The following ADAMTS3 variants were observed in gnomAD, a reference collection of about 807,000 sequenced individuals.
ADAMTS3 encodes ADAM metallopeptidase with thrombospondin type 1 motif 3, also known as A disintegrin and metalloproteinase with thrombospondin motifs 3.
In ADAMTS3, 73 loss-of-function variants were observed where a neutral mutation model predicts 129.0. The ratio of observed to expected loss-of-function variants is 0.57; its 90% confidence interval spans 0.47 to 0.69. The LOEUF (loss-of-function observed/expected upper bound fraction) is 0.69. ADAMTS3 is among the 30% of genes least tolerant of loss of function. The probability of loss-of-function intolerance (pLI) is 0.00; values close to 1 mark genes in which losing one functional copy is unlikely to be tolerated. For synonymous variants in ADAMTS3, 477 were observed against 510.8 expected (o/e 0.93, Z 0.89); for missense variants, 1,457 against 1,514.5 (o/e 0.96, Z 0.63).
intron 2 of ADAMTS3, among the ~76,000 whole-genome samples, chr4:72,562,155 G>A (rs759051252): frequency 6.6e-6 from 1 of 152,050 alleles, no homozygotes; most frequent in African/African-American, 2.4e-5. Flanking sequence ...GAAAAATTAC[G>A]AATTCGCTGC....
chr4:72,560,671 G>A (rs1338521430), intron 2 of ADAMTS3, among the ~76,000 whole-genome samples: 1 of 151,980 alleles, frequency 6.6e-6, no homozygotes, highest in Non-Finnish European at 1.5e-5. Context: ...AGCAACACAC[G>A]CTGGGGCCCA....
chr4:72,285,842 A>G (rs755476014), intron 21 of ADAMTS3, among the ~76,000 whole-genome samples: 5 of 152,164 alleles, frequency 3.3e-5, no homozygotes, highest in Non-Finnish European at 5.9e-5. Flanking sequence ...CAATTACAAA[A>G]AAATTAAGGC....
intron 3 of ADAMTS3, among the ~76,000 whole-genome samples, chr4:72,423,489 A>G (rs1722495849): frequency 1.3e-5 from 2 of 152,112 alleles, no homozygotes; most frequent in Admixed American, 1.3e-4. Context: ...TGTTCTATCA[A>G]TGTTCCAAGC....
At chr4:72,487,869 A>G (rs1719632108) in intron 3 of ADAMTS3, among the ~76,000 whole-genome samples, 1 of 152,102 alleles carries the variant, frequency 6.6e-6, no homozygotes, top group African/African-American at 2.4e-5. Flanking sequence ...CATTATAATC[A>G]AAAAGAATTC....
At chr4:72,381,434 C>G (rs942861601) in intron 4 of ADAMTS3, among the ~76,000 whole-genome samples, 2 of 151,828 alleles carry the variant, frequency 1.3e-5, no homozygotes, top group Admixed American at 6.6e-5. Context: ...CGGCAGTCCA[C>G]CTCCATTATT....
At chr4:72,489,895 G>C (rs993442361) in intron 3 of ADAMTS3, among the ~76,000 whole-genome samples, 1 of 151,786 alleles carries the variant, frequency 6.6e-6, no homozygotes, top group Non-Finnish European at 1.5e-5. Flanking sequence ...AAAGTAGATC[G>C]CTGGAATATA....
At chr4:72,477,990 A>T (rs1719292472) in intron 3 of ADAMTS3, among the ~76,000 whole-genome samples, 1 of 152,202 alleles carries the variant, frequency 6.6e-6, no homozygotes, top group Non-Finnish European at 1.5e-5. Context: ...AGACTAAACC[A>T]GGAAGAAGTT....
chr4:72,312,545 C>T, intron 12 of ADAMTS3, 79 bp from the exon 13 acceptor site: 2 of 1,425,320 alleles, frequency 1.4e-6, no homozygotes, highest in Middle Eastern at 4.1e-4. Context: ...TGCTTGAGGG[C>T]ACAAAGCCAA....
intron 3 of ADAMTS3, among the ~76,000 whole-genome samples, chr4:72,455,973 C>CAGTATATATACTATATATATTTTAT (rs1718566410): frequency 8.3e-5 from 1 of 12,086 alleles, no homozygotes; most frequent in African/African-American, 2.1e-4. Flanking sequence ...ATATATTTTA[C>CAGTATATATACTATATATATTTTAT]ATATAGTATA....
intron 4 of ADAMTS3, among the ~76,000 whole-genome samples, chr4:72,380,311 AC>A (rs1721253992): frequency 1.3e-5 from 2 of 152,148 alleles, no homozygotes; most frequent in South Asian, 4.1e-4. Flanking sequence ...CATCTCTATC[AC>A]TATTGAGCCA....
At position 72,282,536 on chromosome 4, in the gene ADAMTS3, T is replaced by C. The variant is rs184390440; in HGVS notation, c.*600A>G. 3.3e-5 allele frequency: 5 copies of C among 152,692 alleles called. No individual in the cohort carries two copies. Among genetic ancestry groups the C allele is most frequent in the African/African-American group, 1.2e-4 (5 of 41,564 alleles). 9.5% of individuals were successfully genotyped at this position (152,692 alleles called of 1,614,324 possible). A position where few individuals can be genotyped will look rare whatever the true frequency, so the allele number is the denominator to read the frequency against. On this transcript the variant is annotated 3_prime_UTR_variant, in exon 22 of 22. Coordinates refer to ENST00000286657, the MANE Select transcript of ADAMTS3 (RefSeq NM_014243.3). ...ATACTCTGCTTTGAAAATTAACCTA[T>C]AGAATGTCAAACAAGGCAATACTCA...
At chr4:72,440,808 C>T (rs553285617) in intron 3 of ADAMTS3, among the ~76,000 whole-genome samples, 3 of 151,742 alleles carry the variant, frequency 2.0e-5, no homozygotes, top group South Asian at 2.1e-4. Flanking sequence ...CAATAAGTCC[C>T]GTGGGAGTGA....
chr4:72,444,840 C>T (rs1167635417), intron 3 of ADAMTS3, among the ~76,000 whole-genome samples: 1 of 151,648 alleles, frequency 6.6e-6, no homozygotes, highest in Non-Finnish European at 1.5e-5. Flanking sequence ...TATGGTATAG[C>T]CATACAATGG....
intron 3 of ADAMTS3, among the ~76,000 whole-genome samples, chr4:72,530,062 T>TAA (rs1164332608): frequency 0.66 from 1,063 of 1,620 alleles, 474 homozygotes; most frequent in East Asian, 0.8. Flanking sequence ...ATATAATATG[T>TAA]TATATATAAC....
At chr4:72,317,144 A>G (rs1719417996) in intron 10 of ADAMTS3, among the ~76,000 whole-genome samples, 1 of 152,202 alleles carries the variant, frequency 6.6e-6, no homozygotes, top group African/African-American at 2.4e-5. Context: ...TCTATTGCCT[A>G]TACTGCTAAT....
intron 4 of ADAMTS3, among the ~76,000 whole-genome samples, chr4:72,373,052 C>T (rs1056676668): frequency 2.0e-5 from 3 of 152,006 alleles, no homozygotes; most frequent in African/African-American, 7.3e-5. Flanking sequence ...AGCATAATCC[C>T]CGTTAAAATT....
rs560819877 is a variant in ADAMTS3 at position 72,439,878 on chromosome 4, T to TA, written c.505-24908dup. ...TATATTTCCAAAGGCAATAATTTTC[T>TA]AAAAAAAAGTTGCTTCCTTCTCCAA... On this transcript the variant is annotated intron_variant, in intron 3 of 21. Transcript: ENST00000286657. 6.3e-3 allele frequency among the ~76,000 whole-genome samples: 954 copies of TA among 151,452 alleles called. 17 individuals carry two copies. Among genetic ancestry groups the TA allele is most frequent in the African/African-American group, 0.021 (866 of 41,254 alleles).
At position 72,305,911 on chromosome 4, in the gene ADAMTS3, T is replaced by C. The variant is rs1719077256; in HGVS notation, c.2260+76A>G. ...ACATATATGTGTACATATATACATA[T>C]CTATATTTAGGATTTCTTTGACATT... On this transcript the variant is annotated intron_variant, in intron 16 of 21. Transcript: ENST00000286657. 9.9e-6 allele frequency: 12 copies of C among 1,207,290 alleles called. No individual in the cohort carries two copies. The South Asian group carries it at 1.0e-4, about 10-fold the overall frequency. 74.8% of individuals were successfully genotyped at this position (1,207,290 alleles called of 1,614,324 possible).
At chr4:72,425,557 T>G (rs1722549730) in intron 3 of ADAMTS3, among the ~76,000 whole-genome samples, 1 of 152,154 alleles carries the variant, frequency 6.6e-6, no homozygotes, top group Non-Finnish European at 1.5e-5. Flanking sequence ...ATTGTTCAAT[T>G]CCCATCTATG....
Sources: allele counts gnomAD v4.1 joint callset (sites outside exome capture counted in the v4.1 genomes callset), GRCh38; gene constraint gnomAD v4.1.1; transcripts MANE v1.5; gene names NCBI Gene and HGNC (gene_info 2026-07-23, HGNC 2026-07-21).